AOAH: variants seen among roughly 807,000 people sequenced by gnomAD.
The protein encoded by AOAH is acyloxyacyl hydrolase.
In AOAH, 64 loss-of-function variants were observed where a neutral mutation model predicts 92.2. The observed-to-expected ratio is 0.69, with a 90% CI of 0.57 to 0.86. The LOEUF (loss-of-function observed/expected upper bound fraction) is 0.86. Among genes scored for constraint, AOAH ranks in the 40% least tolerant of loss-of-function variants. AOAH has a pLI of 0.00. For synonymous variants in AOAH, 263 were observed against 254.5 expected, an observed-to-expected ratio of 1.03 and a Z score of -0.32; for missense variants, 656 against 694.6, an observed-to-expected ratio of 0.94 and a Z score of 0.62.
chr7:36,601,554 CA>C (rs908834803), intron 11 of AOAH, among the ~76,000 whole-genome samples: 38 of 152,312 alleles, frequency 2.5e-4, no homozygotes, highest in African/African-American at 8.9e-4. Context: ...TTCTGTGCTT[CA>C]GTTTCATTAC....
rs865927414 is a variant in AOAH at position 36,542,100 on chromosome 7, G to T, written c.1134-1609C>A. The stretch of plus-strand genomic sequence containing the variant: ...ATGAGGTCATGTTGGATTAGTGTGG[G>T]CCTTAAATTCAATGACTGAATCCTT... On this transcript the variant is annotated intron_variant, in intron 15 of 20. Transcript: ENST00000617537. 9.2e-5 allele frequency among the ~76,000 whole-genome samples: 14 copies of T among 152,136 alleles called. 1 individual carries two copies. The highest frequency in any genetic ancestry group is 2.9e-4 in the African/African-American group (12 of 41,426).
At chr7:36,528,008 G>A (rs1201663577) in intron 19 of AOAH, among the ~76,000 whole-genome samples, 1 of 152,230 alleles carries the variant, frequency 6.6e-6, no homozygotes, top group Non-Finnish European at 1.5e-5. Context: ...AGAAATGCTA[G>A]CTCTTTCAGA....
chr7:36,709,324 T>C (rs1798619230), intron 1 of AOAH, among the ~76,000 whole-genome samples: 1 of 152,150 alleles, frequency 6.6e-6, no homozygotes, highest in African/African-American at 2.4e-5. Flanking sequence ...TCCACAGTGA[T>C]AAAACTACTG....
chr7:36,717,161 C>T lies in AOAH; in HGVS notation c.127+6861G>A, dbSNP rs1799259099. 2.6e-5 allele frequency among the ~76,000 whole-genome samples: 4 copies of T among 152,230 alleles called. 1 individual carries two copies. The South Asian group carries it at 8.3e-4, about 32-fold the overall frequency. ...TTTGGGAATACATTTATGGCCACGT[C>T]CTCAGGTCTTCTGGTTAGTTCCCCA... On this transcript the variant is annotated intron_variant, in intron 1 of 20. Transcript: ENST00000617537.
At chr7:36,611,952 G>A (rs921804926) in intron 11 of AOAH, among the ~76,000 whole-genome samples, 4 of 152,172 alleles carry the variant, frequency 2.6e-5, no homozygotes, top group Non-Finnish European at 5.9e-5. Context: ...GTATGACCTT[G>A]GGCAGTCCAC....
intron 20 of AOAH, among the ~76,000 whole-genome samples, chr7:36,521,152 C>T (rs541071441): frequency 2.6e-5 from 4 of 152,024 alleles, no homozygotes; most frequent in Admixed American, 6.6e-5. Context: ...GGCCAGCAAG[C>T]GAGCATCCCC....
Position 36,549,423 on chromosome 7 carries a change from C to A in AOAH, c.1058+16G>T. The stretch of plus-strand genomic sequence containing the variant: ...TGAGAAACCAAATTAAAAACAACTT[C>A]TTATCTTCTGCTTACCTTTCTATAA... On this transcript the variant is annotated intron_variant, in intron 14 of 20. Transcript: ENST00000617537. The A allele has an allele frequency of 1.3e-6, 2 of 1,583,530 alleles. No homozygotes were observed. The highest frequency in any genetic ancestry group is 2.3e-5 in the South Asian group (2 of 88,824).
chr7:36,659,851 G>A (rs1472051132), intron 3 of AOAH, among the ~76,000 whole-genome samples: 1 of 144,278 alleles, frequency 6.9e-6, no homozygotes, highest in Non-Finnish European at 1.5e-5. Context: ...GCACATATCC[G>A]TCTAGATGGC....
chr7:36,630,236 C>T lies in AOAH; in HGVS notation c.521+1800G>A, dbSNP rs539364128. On this transcript the variant is annotated intron_variant, in intron 6 of 20. Coordinates refer to ENST00000617537, the MANE Select transcript of AOAH (RefSeq NM_001637.4). ...AATTAATTTCTGTTGTTCTAAGCCA[C>T]CCAGTTTGTGGTGTTTTGTAACCGC... Among the ~76,000 whole-genome samples the T allele has an allele frequency of 5.9e-5, 9 of 152,332 alleles. No individual in the cohort carries two copies. In the South Asian group the frequency reaches 1.7e-3, roughly 28 times the overall value.
At chr7:36,577,871 C>T (rs758535380) in intron 12 of AOAH, among the ~76,000 whole-genome samples, 1 of 152,188 alleles carries the variant, frequency 6.6e-6, no homozygotes, top group Non-Finnish European at 1.5e-5. Flanking sequence ...TCACATCTCA[C>T]AACCTTACAT....
At chr7:36,621,682 A>T in intron 8 of AOAH, 28 bp downstream of exon 8, 7 of 1,611,186 alleles carry the variant, frequency 4.3e-6, no homozygotes, top group Non-Finnish European at 5.9e-6. Context: ...GATAATTTTA[A>T]AAATCAGCAA....
chr7:36,623,236 G>T lies in AOAH; in HGVS notation c.536C>A (p.Ser179Tyr). The T allele has an allele frequency of 6.2e-7, 1 of 1,614,026 alleles. No individual in the cohort carries two copies. The highest frequency in any genetic ancestry group is 1.1e-5 in the South Asian group (1 of 91,072). ...CQKIKLAMEQ[S>Y]VPFKDVDSDK... ...TGAATCCACATCTTTGAATGGCACA[G>T]ACTGTTCCATAGCTCTAGGAAAAAG... The change falls in exon 7 of 21, where the codon TCT becomes TAT. Residue 179 changes from serine (S) to tyrosine (Y), a missense_variant. Coordinates refer to ENST00000617537, the MANE Select transcript of AOAH (RefSeq NM_001637.4).
At chr7:36,524,500 C>A (rs1387840501) in intron 19 of AOAH, among the ~76,000 whole-genome samples, 1 of 33,570 alleles carries the variant, frequency 3.0e-5, no homozygotes, top group Non-Finnish European at 1.0e-4. Flanking sequence ...CAAAAGAAAA[C>A]CTAAAAAAAA....
chr7:36,537,506 G>GTTTTTTTTTTTTTTTTTTT (rs67918250), intron 16 of AOAH, among the ~76,000 whole-genome samples: 2 of 134,802 alleles, frequency 1.5e-5, no homozygotes, highest in Non-Finnish European at 1.6e-5. Flanking sequence ...CACCCCTCTT[G>GTTTTTTTTTTTTTTTTTTT]TTTTTTTTTT....
At chr7:36,692,986 T>C (rs1797503672) in intron 1 of AOAH, among the ~76,000 whole-genome samples, 1 of 148,228 alleles carries the variant, frequency 6.7e-6, no homozygotes, top group Admixed American at 6.8e-5. Context: ...CTTAAAAAAG[T>C]GTAGGATTTT....
At chr7:36,641,484 C>T (rs1033675689) in intron 4 of AOAH, among the ~76,000 whole-genome samples, 1 of 152,106 alleles carries the variant, frequency 6.6e-6, no homozygotes. Flanking sequence ...GGCATGTAGG[C>T]AACAAGTGCC....
At chr7:36,710,958 G>C (rs1798730580) in intron 1 of AOAH, among the ~76,000 whole-genome samples, 2 of 152,100 alleles carry the variant, frequency 1.3e-5, no homozygotes, top group Middle Eastern at 3.2e-3. Flanking sequence ...GCAGATGAGG[G>C]GAGTGAAGTG....
At chr7:36,600,533 C>G (rs1413807159) in intron 11 of AOAH, among the ~76,000 whole-genome samples, 3 of 152,064 alleles carry the variant, frequency 2.0e-5, no homozygotes, top group Non-Finnish European at 4.4e-5. Flanking sequence ...GAAAGGCCCC[C>G]GGGAGACGGC....
At chr7:36,581,994 T>C (rs1203292508) in intron 12 of AOAH, among the ~76,000 whole-genome samples, 2 of 152,206 alleles carry the variant, frequency 1.3e-5, no homozygotes, top group Non-Finnish European at 2.9e-5. Context: ...AATATTTTGA[T>C]ATGCCTGCAA....
Sources: gnomAD v4.1 joint callset for allele counts (sites outside exome capture counted in the v4.1 genomes callset) on GRCh38, gnomAD v4.1.1 for gene constraint, MANE v1.5 for transcripts, NCBI Gene and HGNC (gene_info 2026-07-23, HGNC 2026-07-21) for gene names.